Variants in ASIC2 observed in about 807,000 individuals in gnomAD.
The protein encoded by ASIC2 is acid sensing ion channel subunit 2.
Under a neutral mutation model 57.3 loss-of-function variants are expected in ASIC2, and 25 were observed. That is an observed-to-expected ratio of 0.44 (90% CI 0.32 to 0.61). The LOEUF is 0.61. ASIC2 is among the 20% of genes least tolerant of loss of function. ASIC2 has a pLI of 0.06. For synonymous variants in ASIC2, 319 were observed against 307.5 expected, an observed-to-expected ratio of 1.04 and a Z score of -0.39; for missense variants, 641 against 738.1, an observed-to-expected ratio of 0.87 and a Z score of 1.52.
intron 3 of ASIC2, among the ~76,000 whole-genome samples, chr17:33,061,740 C>T (rs1422070954): frequency 6.6e-6 from 1 of 152,154 alleles, no homozygotes; most frequent in Non-Finnish European, 1.5e-5. Flanking sequence ...AGGAATGGTA[C>T]CAGCTCCTCC....
At chr17:33,049,856 T>TC (rs961348835) in intron 3 of ASIC2, among the ~76,000 whole-genome samples, 1 of 151,854 alleles carries the variant, frequency 6.6e-6, no homozygotes, top group African/African-American at 2.4e-5. Context: ...CCAAGAGAAA[T>TC]CCCCCATGCC....
chr17:33,436,850 C>CTTTTT (rs1244300127), intron 1 of ASIC2, among the ~76,000 whole-genome samples: 41 of 76,016 alleles, frequency 5.4e-4, no homozygotes, highest in African/African-American at 8.8e-4. Context: ...CACATTCCAA[C>CTTTTT]TTCTTTTTTT....
chr17:33,270,612 G>T (rs1904446675), intron 1 of ASIC2, among the ~76,000 whole-genome samples: 1 of 152,178 alleles, frequency 6.6e-6, no homozygotes, highest in Admixed American at 6.5e-5. Context: ...GGCTGGGTGT[G>T]TGTGGTCCAG....
chr17:33,570,271 C>A (rs950510140), intron 1 of ASIC2, among the ~76,000 whole-genome samples: 1 of 152,200 alleles, frequency 6.6e-6, no homozygotes, highest in Non-Finnish European at 1.5e-5. Context: ...AAGACTATTG[C>A]CTTTGACTCT....
intron 1 of ASIC2, among the ~76,000 whole-genome samples, chr17:34,068,380 G>C (rs1415245955): frequency 6.6e-6 from 1 of 152,180 alleles, no homozygotes. Context: ...GGGATGAGTT[G>C]ATCACCTTAG....
chr17:33,571,949 T>C (rs1464266139), intron 1 of ASIC2: 1 of 152,150 alleles, frequency 6.6e-6, no homozygotes, highest in East Asian at 1.9e-4. Context: ...AAATTCCAGG[T>C]GAGAGGAGAT....
At position 33,768,175 on chromosome 17, in the gene ASIC2, A is replaced by AT. The variant is rs540546159; in HGVS notation, c.555+387802dup. ...GGGCGCCTGCCACCGCGCCCTGCTAATTTTTTTGTGTTTTTATTTTTTTTA... is the reference window on the plus strand; with the variant it reads ...GGGCGCCTGCCACCGCGCCCTGCTAATTTTTTTTGTGTTTTTATTTTTTTTA... On this transcript the variant is annotated intron_variant, in intron 1 of 9. Transcript: ENST00000359872. Among the ~76,000 whole-genome samples the AT allele has an allele frequency of 2.7e-5, 4 of 149,620 alleles. No homozygotes were observed. The East Asian group carries it at 5.8e-4, about 22-fold the overall frequency.
intron 1 of ASIC2, among the ~76,000 whole-genome samples, chr17:33,259,007 G>A (rs1334257022): frequency 1.3e-5 from 2 of 152,184 alleles, no homozygotes; most frequent in African/African-American, 2.4e-5. Context: ...TGTGTGTGGG[G>A]TGAGGAGTGG....
Position 33,016,392 on chromosome 17 carries a change from CT to C in ASIC2, c.1522-354del, listed in dbSNP as rs2091806025. ...CAGCCTTGGGACCCCCTTTCTGTGG[CT>C]GGGGCTGGGGGACAAGATTATTATT... On this transcript the variant is annotated intron_variant, in intron 8 of 9. Transcript: ENST00000225823. 2.6e-5 allele frequency among the ~76,000 whole-genome samples: 4 copies of C among 152,142 alleles called. No individual in the cohort carries two copies. The South Asian group carries it at 6.2e-4, about 24-fold the overall frequency.
intron 1 of ASIC2, among the ~76,000 whole-genome samples, chr17:33,416,695 G>A (rs1228388983): frequency 6.6e-6 from 1 of 152,244 alleles, no homozygotes; most frequent in Admixed American, 6.5e-5. Flanking sequence ...CACATGCTGA[G>A]TTTATTTTGC....
At chr17:33,915,321 T>A (rs975100973) in intron 1 of ASIC2, among the ~76,000 whole-genome samples, 1 of 152,150 alleles carries the variant, frequency 6.6e-6, no homozygotes, top group African/African-American at 2.4e-5. Context: ...CCTTCCCCCA[T>A]CTCAGAAGCA....
At chr17:33,579,619 G>A (rs542026739) in intron 1 of ASIC2, among the ~76,000 whole-genome samples, 6 of 152,150 alleles carry the variant, frequency 3.9e-5, no homozygotes, top group African/African-American at 7.2e-5. Flanking sequence ...TGTTCCTTCA[G>A]GTGTTCAGCT....
In ASIC2 at chr17:33,707,443, C is replaced by G. The variant is rs191558570; in HGVS notation, c.555+448535G>C. On this transcript the variant is annotated intron_variant, in intron 1 of 9. Transcript: ENST00000359872. The stretch of plus-strand genomic sequence containing the variant: ...TTACTTTGTCTTTTTATTCTACTAT[C>G]TAGATTTCTTTTCAAATACATATAC... 1.8e-3 allele frequency among the ~76,000 whole-genome samples: 277 copies of G among 152,206 alleles called. 2 individuals carry two copies. Among genetic ancestry groups the G allele is most frequent in the Non-Finnish European group, 2.6e-3 (174 of 67,996 alleles).
At chr17:34,013,628 G>C (rs1300688610) in intron 1 of ASIC2, among the ~76,000 whole-genome samples, 1 of 152,202 alleles carries the variant, frequency 6.6e-6, no homozygotes, top group Non-Finnish European at 1.5e-5. Context: ...CCTATTCCTT[G>C]CCAGTCACAC....
chr17:33,233,767 C>T (rs1317595498), intron 1 of ASIC2, among the ~76,000 whole-genome samples: 4 of 152,032 alleles, frequency 2.6e-5, no homozygotes, highest in Admixed American at 6.5e-5. Context: ...AAGAATCCCT[C>T]GTTCTACAGA....
At chr17:34,117,763 T>A (rs1911471493) in intron 1 of ASIC2, among the ~76,000 whole-genome samples, 1 of 151,620 alleles carries the variant, frequency 6.6e-6, no homozygotes, top group African/African-American at 2.4e-5. Context: ...GAGGGAAGAG[T>A]TGAGGATGAC....
chr17:33,493,709 G>C (rs1237551379), intron 1 of ASIC2, among the ~76,000 whole-genome samples: 2 of 152,032 alleles, frequency 1.3e-5, no homozygotes, highest in Admixed American at 1.3e-4. Context: ...CCCTTGCCTT[G>C]CTGGGAACCC....
chr17:33,353,745 A>AT (rs1908270524), intron 1 of ASIC2, among the ~76,000 whole-genome samples: 1 of 152,116 alleles, frequency 6.6e-6, no homozygotes, highest in South Asian at 2.1e-4. Context: ...TCTTGGAACC[A>AT]TTTTTATGAT....
chr17:33,566,588 G>C (rs1195291122), intron 1 of ASIC2, among the ~76,000 whole-genome samples: 2 of 152,182 alleles, frequency 1.3e-5, no homozygotes, highest in Admixed American at 6.5e-5. Flanking sequence ...TGGGCAGCTG[G>C]ATGTGCTATA....
Sources: allele counts gnomAD v4.1 joint callset (sites outside exome capture counted in the v4.1 genomes callset), GRCh38; gene constraint gnomAD v4.1.1; transcripts MANE v1.5; gene names NCBI Gene and HGNC (gene_info 2026-07-23, HGNC 2026-07-21).